Variants in PLAC8 observed in about 807,000 individuals in gnomAD.
PLAC8 encodes the protein placenta associated 8.
A neutral mutation model predicts 12.6 loss-of-function variants in PLAC8; 6 were observed. That is an observed-to-expected ratio of 0.48 (90% CI 0.26 to 0.94). The LOEUF (loss-of-function observed/expected upper bound fraction) is 0.94. Among genes scored for constraint, PLAC8 ranks in the 40% least tolerant of loss-of-function variants. PLAC8 has a pLI of 0.14. For synonymous variants in PLAC8, 54 were observed against 52.6 expected, an observed-to-expected ratio of 1.03 and a Z score of -0.11; for missense variants, 122 against 152.7, an observed-to-expected ratio of 0.80 and a Z score of 1.06.
At chr4:83,101,031 A>G (rs1456451411) in intron 3 of PLAC8, among the ~76,000 whole-genome samples, 1 of 152,206 alleles carries the variant, frequency 6.6e-6, no homozygotes, top group Non-Finnish European at 1.5e-5. Flanking sequence ...GTCAAAGCCT[A>G]ATCCACAGCA....
chr4:83,107,683 C>A, intron 2 of PLAC8, 121 bp downstream of exon 2: 1 of 196,148 alleles, frequency 5.1e-6, no homozygotes. Flanking sequence ...GCCTGACATG[C>A]AGAGTGCTTG....
chr4:83,097,860 G>GTT lies in PLAC8; in HGVS notation c.244-3071_244-3070dup, dbSNP rs70946968. On this transcript the variant is annotated intron_variant, in intron 3 of 4. Coordinates refer to ENST00000311507, the MANE Select transcript of PLAC8 (RefSeq NM_016619.3). Reference sequence around the variant, plus strand: ...AATGTAATTTTGTCTAGTTTTGAGGGTTTTTTTTTTTTTTTTTGAGATGGA... The same window carrying GTT: ...AATGTAATTTTGTCTAGTTTTGAGGGTTTTTTTTTTTTTTTTTTTGAGATGGA... Among the ~76,000 whole-genome samples the GTT allele has an allele frequency of 3.1e-3, 400 of 131,090 alleles. 6 individuals are homozygous for GTT. Among genetic ancestry groups the GTT allele is most frequent in the Admixed American group, 5.2e-3 (65 of 12,424 alleles). 86.0% of individuals were successfully genotyped at this position (131,090 alleles called of 152,430 possible).
chr4:83,113,917 G>A (rs546019635), intron 1 of PLAC8, among the ~76,000 whole-genome samples: 1 of 151,422 alleles, frequency 6.6e-6, no homozygotes, highest in South Asian at 2.1e-4. Context: ...TCACTCCTGA[G>A]GACAGCCCAC....
At position 83,104,225 on chromosome 4, in the gene PLAC8, T is replaced by C. The variant is rs1008668567; in HGVS notation, c.243+671A>G. Among the ~76,000 whole-genome samples the C allele has an allele frequency of 2.0e-5, 3 of 152,238 alleles. No individual in the cohort carries two copies. In the East Asian group the frequency reaches 5.8e-4, roughly 29 times the overall value. ...TATAGTGTAGTATAAGCATACCTTTTATGTGCACTGGGAAACCAAAAAATT... is the reference window on the plus strand; with the variant it reads ...TATAGTGTAGTATAAGCATACCTTTCATGTGCACTGGGAAACCAAAAAATT... On this transcript the variant is annotated intron_variant, in intron 3 of 4. Coordinates refer to ENST00000311507, the MANE Select transcript of PLAC8 (RefSeq NM_016619.3).
At chr4:83,111,774 A>AGTGTATGGCATATGTGTATTTACAT (rs1732428514) in intron 1 of PLAC8, among the ~76,000 whole-genome samples, 1 of 152,218 alleles carries the variant, frequency 6.6e-6, no homozygotes, top group South Asian at 2.1e-4. Flanking sequence ...GTATTTACTT[A>AGTGTATGGCATATGTGTATTTACAT]GTGTATGGCA....
chr4:83,098,317 A>G (rs1731996898), intron 3 of PLAC8, among the ~76,000 whole-genome samples: 1 of 152,248 alleles, frequency 6.6e-6, no homozygotes, highest in South Asian at 2.1e-4. Context: ...ATTTTTCCAT[A>G]GGTTAAAACA....
chr4:83,108,959 G>C (rs958200274), intron 1 of PLAC8, among the ~76,000 whole-genome samples: 1 of 152,066 alleles, frequency 6.6e-6, no homozygotes, highest in Admixed American at 6.6e-5. Flanking sequence ...CTGTGTCAGC[G>C]CTGGCCTGAC....
chr4:83,099,101 C>A (rs76347916), intron 3 of PLAC8, among the ~76,000 whole-genome samples: 1 of 152,068 alleles, frequency 6.6e-6, no homozygotes, highest in East Asian at 1.9e-4. Context: ...TGTTAAATGA[C>A]TGTGTGCCAC....
At chr4:83,094,418 G>C in intron 4 of PLAC8, 1 of 300,886 alleles carries the variant, frequency 3.3e-6, no homozygotes, top group Non-Finnish European at 6.1e-6. Flanking sequence ...AGTGGTAAGT[G>C]CTTCCTTAAT....
intron 3 of PLAC8, among the ~76,000 whole-genome samples, chr4:83,103,396 C>CAAAG (rs375025864): frequency 0.011 from 1,712 of 151,584 alleles, 12 homozygotes; most frequent in African/African-American, 0.014. Context: ...TCCATCTCAA[C>CAAAG]AAAGAAAGAA....
At chr4:83,106,384 G>C (rs761774547) in intron 2 of PLAC8, among the ~76,000 whole-genome samples, 1 of 151,940 alleles carries the variant, frequency 6.6e-6, no homozygotes, top group South Asian at 2.1e-4. Flanking sequence ...TTGGAAGGCC[G>C]AGGTGGGCAG....
chr4:83,104,993 C>A lies in PLAC8; in HGVS notation c.146G>T (p.Cys49Phe), dbSNP rs756957919. 1 of 1,614,104 alleles carries A rather than the reference C, an allele frequency of 6.2e-7. No homozygotes were observed. The highest frequency in any genetic ancestry group is 1.7e-5 in the Admixed American group (1 of 60,006). Residue 49 changes from cysteine (C) to phenylalanine (F), a missense_variant, in exon 3 of 5, where the codon TGC becomes TTC. By Grantham distance (205) the Cys-to-Phe change is radical. Coordinates refer to ENST00000311507, the MANE Select transcript of PLAC8 (RefSeq NM_016619.3). ...ATCAGCTGCAACTTGACACCCAAGGCACGGGAAACAAAATGTGCCACAGAG... is the reference window on the plus strand; with the variant it reads ...ATCAGCTGCAACTTGACACCCAAGGAACGGGAAACAAAATGTGCCACAGAG... ...VCLCGTFCFPCLGCQVAADMN... is the reference protein window; with the variant it reads ...VCLCGTFCFPFLGCQVAADMN...
At chr4:83,094,278 A>AT (rs576382283) in intron 4 of PLAC8, 207 of 149,012 alleles carry the variant, frequency 1.4e-3, no homozygotes, top group South Asian at 6.2e-3. Context: ...TCCAAATATC[A>AT]TACAGAATGT....
At chr4:83,105,775 G>A (rs1013439494) in intron 2 of PLAC8, among the ~76,000 whole-genome samples, 1 of 152,112 alleles carries the variant, frequency 6.6e-6, no homozygotes, top group Non-Finnish European at 1.5e-5. Context: ...TCATTTAATT[G>A]GGTAATAATA....
At chr4:83,100,539 G>A (rs1456138344) in intron 3 of PLAC8, among the ~76,000 whole-genome samples, 1 of 89,372 alleles carries the variant, frequency 1.1e-5, no homozygotes, top group Non-Finnish European at 2.3e-5. Flanking sequence ...CCAGCCTCAG[G>A]TACTTCTTTA....
At chr4:83,109,773 T>C (rs2126144105) in intron 1 of PLAC8, 1 of 152,598 alleles carries the variant, frequency 6.6e-6, no homozygotes, top group African/African-American at 2.4e-5. Flanking sequence ...GAGCGGCAGC[T>C]GCGCGCGGGG....
intron 1 of PLAC8, among the ~76,000 whole-genome samples, chr4:83,112,553 C>T (rs972573556): frequency 8.5e-5 from 13 of 152,136 alleles, no homozygotes; most frequent in Admixed American, 5.9e-4. Flanking sequence ...CTTATCCCTG[C>T]GTAGAAGAGT....
At chr4:83,103,433 A>C (rs1021848858) in intron 3 of PLAC8, among the ~76,000 whole-genome samples, 2 of 152,168 alleles carry the variant, frequency 1.3e-5, no homozygotes, top group Non-Finnish European at 2.9e-5. Flanking sequence ...GTTTCTTGAG[A>C]TGGAATCAAC....
At chr4:83,102,605 T>C (rs894408287) in intron 3 of PLAC8, among the ~76,000 whole-genome samples, 6 of 152,076 alleles carry the variant, frequency 3.9e-5, no homozygotes, top group Non-Finnish European at 7.4e-5. Context: ...GTAAAGGAGA[T>C]TGGAAGAAGT....
Sources: allele counts gnomAD v4.1 joint callset (sites outside exome capture counted in the v4.1 genomes callset), GRCh38; gene constraint gnomAD v4.1.1; transcripts MANE v1.5; gene names NCBI Gene and HGNC (gene_info 2026-07-23, HGNC 2026-07-21).